ZNF407: variants seen among roughly 807,000 people sequenced by gnomAD.
The protein encoded by ZNF407 is zinc finger protein 407.
ZNF407 carries 17 observed loss-of-function variants against 131.2 expected under a neutral mutation model. The observed-to-expected ratio is 0.13, with a 90% CI of 0.09 to 0.19. The LOEUF (loss-of-function observed/expected upper bound fraction) is 0.19, where lower values mean the gene tolerates loss of function less well. Ranked by LOEUF, ZNF407 falls within the 10% of genes least tolerant of loss-of-function variation. The pLI, the probability that ZNF407 is intolerant of heterozygous loss-of-function variation, is 1.00. For missense variants in ZNF407, 2,681 were observed against 2,830.6 expected (o/e 0.95, Z 1.20); for synonymous variants, 1,156 against 1,062.0 (o/e 1.09, Z -1.72).
At chr18:74,807,860 T>A (rs1003960255) in intron 4 of ZNF407, among the ~76,000 whole-genome samples, 4 of 152,156 alleles carry the variant, frequency 2.6e-5, no homozygotes, top group African/African-American at 9.7e-5. Context: ...ACACATACAT[T>A]GATGTAAGGT....
rs1972775187 is a variant in ZNF407 at position 74,995,910 on chromosome 18, G to A, written c.5429-67240G>A. Among the ~76,000 whole-genome samples, 3 of 152,146 alleles carry A rather than the reference G, an allele frequency of 2.0e-5. No individual in the cohort carries two copies. In the South Asian group the frequency reaches 6.2e-4, roughly 32 times the overall value. On this transcript the variant is annotated intron_variant, in intron 8 of 8. Coordinates refer to ENST00000299687, the MANE Select transcript of ZNF407 (RefSeq NM_017757.3). The stretch of plus-strand genomic sequence containing the variant: ...ATTTTTAGAATTGTTAGAAGCTTGG[G>A]ATTATAAGGCCATGTATTCTTAATA...
At chr18:74,630,643 T>C (rs943884059) in intron 1 of ZNF407, among the ~76,000 whole-genome samples, 2 of 149,416 alleles carry the variant, frequency 1.3e-5, no homozygotes, top group Admixed American at 6.7e-5. Context: ...TCTCTTTTTG[T>C]TTTTTTTTTA....
intron 3 of ZNF407, among the ~76,000 whole-genome samples, chr18:74,670,889 C>A (rs970183731): frequency 3.3e-5 from 5 of 152,210 alleles, no homozygotes; most frequent in African/African-American, 1.2e-4. Flanking sequence ...TGGTCTCAGA[C>A]TCCTGGGCTT....
At chr18:74,809,100 A>G (rs1042160433) in intron 4 of ZNF407, among the ~76,000 whole-genome samples, 1 of 151,550 alleles carries the variant, frequency 6.6e-6, no homozygotes, top group Non-Finnish European at 1.5e-5. Context: ...TTCTTTTACG[A>G]AAAAAAACAG....
At chr18:74,823,135 A>G (rs926414328) in intron 4 of ZNF407, among the ~76,000 whole-genome samples, 3 of 152,188 alleles carry the variant, frequency 2.0e-5, no homozygotes, top group Middle Eastern at 3.2e-3. Context: ...AGGAGAAATA[A>G]AATCCTCTAC....
chr18:74,610,128 C>T (rs537139644), intron 1 of ZNF407, among the ~76,000 whole-genome samples: 1 of 152,222 alleles, frequency 6.6e-6, no homozygotes, highest in East Asian at 1.9e-4. Flanking sequence ...TTGCTTGGGA[C>T]CTGCAATACA....
intron 8 of ZNF407, among the ~76,000 whole-genome samples, chr18:74,988,825 A>G (rs1345171863): frequency 6.6e-6 from 1 of 152,154 alleles, no homozygotes; most frequent in Non-Finnish European, 1.5e-5. Context: ...CCTATACCAA[A>G]TGTTAGTGAG....
chr18:74,970,651 C>T (rs1599270693), intron 8 of ZNF407, among the ~76,000 whole-genome samples: 1 of 152,208 alleles, frequency 6.6e-6, no homozygotes, highest in Non-Finnish European at 1.5e-5. Context: ...CAGCTCTGCC[C>T]CTGCCACTTT....
intron 3 of ZNF407, among the ~76,000 whole-genome samples, chr18:74,686,585 T>C (rs976848646): frequency 4.6e-5 from 7 of 152,250 alleles, no homozygotes; most frequent in Admixed American, 2.0e-4. Context: ...CTACTTTGTA[T>C]TAATTCTATG....
intron 8 of ZNF407, among the ~76,000 whole-genome samples, chr18:75,044,201 C>CT (rs1973406003): frequency 6.6e-6 from 1 of 151,996 alleles, no homozygotes; most frequent in Non-Finnish European, 1.5e-5. Context: ...CAGTGATAAT[C>CT]TCCCCCTCTC....
intron 4 of ZNF407, among the ~76,000 whole-genome samples, chr18:74,782,503 G>A (rs913265768): frequency 3.3e-5 from 5 of 151,990 alleles, no homozygotes; most frequent in Non-Finnish European, 7.4e-5. Flanking sequence ...GGGATCTTGG[G>A]ATGTCTCCTT....
At chr18:74,967,773 CA>C (rs1378228668) in intron 8 of ZNF407, among the ~76,000 whole-genome samples, 2 of 152,204 alleles carry the variant, frequency 1.3e-5, no homozygotes, top group Non-Finnish European at 2.9e-5. Flanking sequence ...AAATAAGACA[CA>C]AGTTATGAAG....
chr18:74,972,851 T>G (rs879190769), intron 8 of ZNF407, among the ~76,000 whole-genome samples: 5 of 152,238 alleles, frequency 3.3e-5, no homozygotes, highest in African/African-American at 1.2e-4. Flanking sequence ...TAAATGAGCT[T>G]CTTCTGTGCA....
intron 1 of ZNF407, among the ~76,000 whole-genome samples, chr18:74,602,318 C>T (rs1982620444): frequency 6.6e-6 from 1 of 152,196 alleles, no homozygotes; most frequent in Non-Finnish European, 1.5e-5. Flanking sequence ...AGATGATGGT[C>T]TCCAACATTG....
chr18:74,940,543 T>C (rs1315996277), intron 8 of ZNF407, among the ~76,000 whole-genome samples: 2 of 152,086 alleles, frequency 1.3e-5, no homozygotes, highest in Admixed American at 6.5e-5. Flanking sequence ...TTGAAAGGTA[T>C]GTTGAGGATT....
chr18:74,947,627 G>A (rs1318529884), intron 8 of ZNF407, among the ~76,000 whole-genome samples: 6 of 152,316 alleles, frequency 3.9e-5, no homozygotes, highest in Non-Finnish European at 8.8e-5. Flanking sequence ...CTCGGAGGGA[G>A]GAGGCATCAC....
intron 8 of ZNF407, among the ~76,000 whole-genome samples, chr18:74,959,577 C>T (rs900514366): frequency 6.6e-6 from 1 of 152,168 alleles, no homozygotes; most frequent in African/African-American, 2.4e-5. Context: ...TCTATGCCCA[C>T]TTAGAGAAAA....
chr18:74,745,979 A>G (rs1290392312), intron 3 of ZNF407, among the ~76,000 whole-genome samples: 2 of 152,122 alleles, frequency 1.3e-5, no homozygotes, highest in African/African-American at 2.4e-5. Context: ...TGATGGGGAT[A>G]TGTTCTGAGA....
At chr18:74,676,506 G>A (rs1279671977) in intron 3 of ZNF407, among the ~76,000 whole-genome samples, 11 of 149,098 alleles carry the variant, frequency 7.4e-5, no homozygotes, top group South Asian at 2.1e-4. Flanking sequence ...GCGGGATCTC[G>A]GCTCACTGCA....
Sources: gnomAD v4.1 joint callset for allele counts (sites outside exome capture counted in the v4.1 genomes callset) on GRCh38, gnomAD v4.1.1 for gene constraint, MANE v1.5 for transcripts, NCBI Gene and HGNC (gene_info 2026-07-23, HGNC 2026-07-21) for gene names.